Variants in CSMD1 observed in about 807,000 individuals in gnomAD.
CSMD1 encodes the protein CUB and sushi domain-containing protein 1.
Under a neutral mutation model 417.5 loss-of-function variants are expected in CSMD1, and 213 were observed. The observed-to-expected ratio is 0.51, with a 90% CI of 0.46 to 0.57. The LOEUF (loss-of-function observed/expected upper bound fraction) is 0.57, where lower values mean the gene tolerates loss of function less well. Ranked by LOEUF, CSMD1 falls within the 20% of genes least tolerant of loss-of-function variation. The pLI is 0.00. For synonymous variants in CSMD1, 2,862 were observed against 1,736.8 expected (o/e 1.65, Z -16.11); for missense variants, 6,923 against 4,529.7 (o/e 1.53, Z -15.17).
chr8:4,048,158 A>G (rs572430707), intron 3 of CSMD1, among the ~76,000 whole-genome samples: 1 of 152,288 alleles, frequency 6.6e-6, no homozygotes, highest in East Asian at 1.9e-4. Context: ...GAATGTACGC[A>G]GTCAGACTTT....
intron 23 of CSMD1, among the ~76,000 whole-genome samples, chr8:3,324,900 C>G (rs749314818): frequency 6.6e-6 from 1 of 151,876 alleles, no homozygotes; most frequent in Non-Finnish European, 1.5e-5. Context: ...GTTCCTCGGT[C>G]TAGTTGCCTG....
chr8:4,399,569 T>G (rs1301023354), intron 3 of CSMD1, among the ~76,000 whole-genome samples: 2 of 152,106 alleles, frequency 1.3e-5, no homozygotes, highest in African/African-American at 4.8e-5. Flanking sequence ...ATCCCCCTTT[T>G]TTGTCTTTAT....
intron 6 of CSMD1, among the ~76,000 whole-genome samples, chr8:3,749,807 ATGTT>A (rs1484318863): frequency 4.7e-5 from 7 of 150,498 alleles, no homozygotes; most frequent in Non-Finnish European, 8.9e-5. Context: ...CTCTCTTTCC[ATGTT>A]TGTTTATTAC....
At chr8:3,711,019 C>A (rs761769888) in intron 6 of CSMD1, among the ~76,000 whole-genome samples, 2 of 152,082 alleles carry the variant, frequency 1.3e-5, no homozygotes, top group African/African-American at 2.4e-5. Context: ...GTATCAAGAG[C>A]GGTGAGAAAC....
chr8:3,347,470 A>G (rs1351434469), intron 22 of CSMD1, among the ~76,000 whole-genome samples: 1 of 152,200 alleles, frequency 6.6e-6, no homozygotes, highest in Non-Finnish European at 1.5e-5. Context: ...CCTGTCTGTG[A>G]TCTGACCACT....
At chr8:3,724,458 C>T (rs922565859) in intron 6 of CSMD1, among the ~76,000 whole-genome samples, 8 of 151,952 alleles carry the variant, frequency 5.3e-5, no homozygotes, top group African/African-American at 1.9e-4. Flanking sequence ...CAATGTAATT[C>T]TGAATATATT....
chr8:3,333,318 G>A (rs185543302), intron 23 of CSMD1, among the ~76,000 whole-genome samples: 13 of 152,232 alleles, frequency 8.5e-5, no homozygotes, highest in Admixed American at 3.9e-4. Context: ...TACACGTGTG[G>A]TATTTTGTTA....
intron 2 of CSMD1, among the ~76,000 whole-genome samples, chr8:4,487,307 T>C (rs1801466741): frequency 6.6e-6 from 1 of 152,180 alleles, no homozygotes; most frequent in South Asian, 2.1e-4. Context: ...TATCTCCTAA[T>C]GCTATCCCTC....
chr8:4,870,097 GCA>G (rs1421293174), intron 1 of CSMD1, among the ~76,000 whole-genome samples: 1 of 151,958 alleles, frequency 6.6e-6, no homozygotes, highest in Non-Finnish European at 1.5e-5. Context: ...ATTCAATATT[GCA>G]CACTCTTGAT....
intron 5 of CSMD1, among the ~76,000 whole-genome samples, chr8:3,812,742 C>T (rs1478368987): frequency 6.6e-6 from 1 of 152,132 alleles, no homozygotes; most frequent in Admixed American, 6.5e-5. Flanking sequence ...CCACATCTCC[C>T]CAAGTCTTGC....
At chr8:3,199,654 G>T in intron 33 of CSMD1, 60 bp downstream of exon 33, 1 of 1,099,578 alleles carries the variant, frequency 9.1e-7, no homozygotes, top group Non-Finnish European at 1.3e-6. Flanking sequence ...GAGACTAGCC[G>T]TGGGTGCAGC....
At chr8:4,157,496 G>T (rs1039135431) in intron 3 of CSMD1, among the ~76,000 whole-genome samples, 5 of 151,986 alleles carry the variant, frequency 3.3e-5, no homozygotes, top group African/African-American at 1.2e-4. Flanking sequence ...GACTAGCGGA[G>T]AAAGAGGCTC....
intron 12 of CSMD1, among the ~76,000 whole-genome samples, chr8:3,439,944 T>G (rs367741081): frequency 2.0e-5 from 3 of 152,178 alleles, no homozygotes; most frequent in African/African-American, 7.2e-5. Flanking sequence ...TTGGCCCCTT[T>G]ACCAAAAACC....
chr8:3,440,458 T>C (rs546252502), intron 12 of CSMD1, among the ~76,000 whole-genome samples: 5 of 152,344 alleles, frequency 3.3e-5, no homozygotes, highest in African/African-American at 1.2e-4. Context: ...CATATTATTA[T>C]ATAGAAATAC....
chr8:3,418,981 C>T (rs561375609), intron 12 of CSMD1, among the ~76,000 whole-genome samples: 2 of 152,248 alleles, frequency 1.3e-5, no homozygotes, highest in South Asian at 4.1e-4. Context: ...GAAATTTAGT[C>T]CTGAAAAATC....
intron 1 of CSMD1, among the ~76,000 whole-genome samples, chr8:4,780,599 TA>T (rs11305572): frequency 0.077 from 11,779 of 152,142 alleles, 644 homozygotes; most frequent in East Asian, 0.28. Context: ...GTTATTGGGG[TA>T]CAGGTGGTAT....
chr8:3,149,463 C>A (rs918455666), intron 40 of CSMD1, among the ~76,000 whole-genome samples: 4 of 152,080 alleles, frequency 2.6e-5, no homozygotes, highest in East Asian at 1.9e-4. Flanking sequence ...AATCTTCTAG[C>A]CAGAATTTTT....
At chr8:4,593,147 C>G (rs542998025) in intron 2 of CSMD1, among the ~76,000 whole-genome samples, 2 of 152,244 alleles carry the variant, frequency 1.3e-5, no homozygotes, top group East Asian at 3.9e-4. Flanking sequence ...ATGCTGAGGT[C>G]TCAGCATTGA....
intron 12 of CSMD1, among the ~76,000 whole-genome samples, chr8:3,416,745 C>G (rs909884507): frequency 2.0e-5 from 3 of 152,072 alleles, no homozygotes; most frequent in Non-Finnish European, 4.4e-5. Flanking sequence ...GGACACAAGA[C>G]AGCTAGTACA....
Sources: allele counts gnomAD v4.1 joint callset (sites outside exome capture counted in the v4.1 genomes callset), GRCh38; gene constraint gnomAD v4.1.1; transcripts MANE v1.5; gene names NCBI Gene and HGNC (gene_info 2026-07-23, HGNC 2026-07-21).